Variants in TMTC2 observed in about 807,000 individuals in gnomAD.
The protein encoded by TMTC2 is transmembrane O-mannosyltransferase targeting cadherins 2.
A neutral mutation model predicts 82.4 loss-of-function variants in TMTC2; 43 were observed. That is an observed-to-expected ratio of 0.52 (90% CI 0.41 to 0.67). TMTC2 has a LOEUF of 0.67. TMTC2 is among the 30% of genes least tolerant of loss of function. TMTC2 has a pLI of 0.00. For missense variants in TMTC2, 919 were observed against 1,012.4 expected (o/e 0.91, Z 1.25); for synonymous variants, 408 against 381.9 (o/e 1.07, Z -0.80).
chr12:82,842,237 T>C (rs911631575), intron 1 of TMTC2, among the ~76,000 whole-genome samples: 1 of 152,248 alleles, frequency 6.6e-6, no homozygotes, highest in Admixed American at 6.5e-5. Context: ...ATTGAGATAA[T>C]ATGTGTGCTT....
intron 2 of TMTC2, among the ~76,000 whole-genome samples, chr12:82,895,330 A>T (rs983562701): frequency 5.9e-5 from 9 of 152,172 alleles, no homozygotes; most frequent in Admixed American, 5.9e-4. Context: ...ATTAGAGACA[A>T]GCACAAGAGT....
At chr12:82,996,280 C>T (rs1879612764) in intron 8 of TMTC2, among the ~76,000 whole-genome samples, 1 of 152,146 alleles carries the variant, frequency 6.6e-6, no homozygotes, top group African/African-American at 2.4e-5. Flanking sequence ...CATTATTATA[C>T]TCCACACTGA....
At chr12:82,904,199 G>T (rs1247624901) in intron 3 of TMTC2, among the ~76,000 whole-genome samples, 2 of 152,094 alleles carry the variant, frequency 1.3e-5, no homozygotes, top group African/African-American at 4.8e-5. Flanking sequence ...ACCCTATAAA[G>T]CCAGTCTTAT....
intron 3 of TMTC2, 32 bp from the exon 4 acceptor site, chr12:82,930,399 T>C: frequency 7.5e-7 from 1 of 1,325,682 alleles, no homozygotes; most frequent in Non-Finnish European, 1.1e-6. Context: ...GGATTGATGC[T>C]CAGTCTGAAA....
chr12:82,906,219 T>G (rs1212339421), intron 3 of TMTC2, among the ~76,000 whole-genome samples: 1 of 152,130 alleles, frequency 6.6e-6, no homozygotes, highest in Non-Finnish European at 1.5e-5. Flanking sequence ...TCGAATTGAG[T>G]GTCTTTAACT....
chr12:82,700,877 C>A (rs1024562705), intron 1 of TMTC2, among the ~76,000 whole-genome samples: 1 of 152,080 alleles, frequency 6.6e-6, no homozygotes, highest in Non-Finnish European at 1.5e-5. Flanking sequence ...GGGGAGGCCT[C>A]ACAATCATGG....
chr12:83,094,255 G>A (rs1012406892), intron 11 of TMTC2, among the ~76,000 whole-genome samples: 1 of 152,230 alleles, frequency 6.6e-6, no homozygotes, highest in African/African-American at 2.4e-5. Flanking sequence ...TCCTAGGAGA[G>A]GAGAATTGCC....
chr12:82,974,128 G>A (rs1036683527), intron 7 of TMTC2, among the ~76,000 whole-genome samples: 3 of 152,134 alleles, frequency 2.0e-5, no homozygotes, highest in Non-Finnish European at 4.4e-5. Flanking sequence ...CAGCACCATG[G>A]GAGGCTGAGG....
At chr12:82,844,826 C>G (rs1267127491) in intron 1 of TMTC2, among the ~76,000 whole-genome samples, 1 of 151,048 alleles carries the variant, frequency 6.6e-6, no homozygotes, top group African/African-American at 2.4e-5. Context: ...ATCTAGTGTT[C>G]CATAGAGCTC....
chr12:82,754,365 A>G (rs930451189), intron 1 of TMTC2, among the ~76,000 whole-genome samples: 3 of 152,208 alleles, frequency 2.0e-5, no homozygotes, highest in African/African-American at 7.2e-5. Flanking sequence ...TATAATAGCT[A>G]TGTTCTGCTA....
intron 4 of TMTC2, among the ~76,000 whole-genome samples, chr12:82,963,480 T>A (rs577481392): frequency 3.2e-4 from 49 of 151,872 alleles, no homozygotes; most frequent in Admixed American, 3.1e-3. Flanking sequence ...TTTCTTTATC[T>A]GAATTTTAAA....
intron 1 of TMTC2, among the ~76,000 whole-genome samples, chr12:82,828,356 T>C (rs982517669): frequency 1.3e-5 from 2 of 151,712 alleles, no homozygotes; most frequent in Admixed American, 1.3e-4. Context: ...TGGAACCACA[T>C]GCATGTACCA....
chr12:82,733,566 T>C (rs1418028594), intron 1 of TMTC2, among the ~76,000 whole-genome samples: 2 of 152,238 alleles, frequency 1.3e-5, no homozygotes, highest in Non-Finnish European at 2.9e-5. Context: ...TCATTATCTT[T>C]CTGTAAATGA....
rs61301767 is a variant in TMTC2 at position 82,756,271 on chromosome 12, A to G, written c.83+68602A>G. 8.3e-3 allele frequency among the ~76,000 whole-genome samples: 1,269 copies of G among 152,318 alleles called. 13 individuals carry two copies. Among genetic ancestry groups the G allele is most frequent in the African/African-American group, 0.029 (1,202 of 41,574 alleles). On this transcript the variant is annotated intron_variant, in intron 1 of 11. Coordinates refer to ENST00000321196, the MANE Select transcript of TMTC2 (RefSeq NM_152588.3). ...TCTCACAATTCTTCTCCTATCAATA[A>G]TGATTTGAAATTTTTCCATGTATAT...
chr12:82,746,231 T>C (rs539060978), intron 1 of TMTC2, among the ~76,000 whole-genome samples: 2 of 152,336 alleles, frequency 1.3e-5, no homozygotes, highest in South Asian at 2.1e-4. Context: ...TATTCAGCTT[T>C]TGATTTGCCT....
intron 8 of TMTC2, among the ~76,000 whole-genome samples, chr12:83,011,137 A>G (rs764190751): frequency 2.0e-5 from 3 of 152,174 alleles, no homozygotes; most frequent in Non-Finnish European, 2.9e-5. Flanking sequence ...GCCCGGCCTG[A>G]CGATGTCTAA....
At chr12:83,083,447 G>T (rs1169945358) in intron 11 of TMTC2, among the ~76,000 whole-genome samples, 1 of 152,054 alleles carries the variant, frequency 6.6e-6, no homozygotes, top group African/African-American at 2.4e-5. Context: ...CTCTTTTTCT[G>T]CTGTACTTTT....
At chr12:82,890,911 A>G (rs1873364022) in intron 2 of TMTC2, among the ~76,000 whole-genome samples, 1 of 152,182 alleles carries the variant, frequency 6.6e-6, no homozygotes, top group African/African-American at 2.4e-5. Flanking sequence ...CCTATCAAAG[A>G]TTGTACTTAA....
At chr12:83,051,847 GA>G (rs1451134183) in intron 10 of TMTC2, among the ~76,000 whole-genome samples, 2 of 152,096 alleles carry the variant, frequency 1.3e-5, no homozygotes, top group African/African-American at 4.8e-5. Flanking sequence ...TATAAGGCCA[GA>G]TTATCAGGTT....
Sources: gnomAD v4.1 joint callset for allele counts (sites outside exome capture counted in the v4.1 genomes callset) on GRCh38, gnomAD v4.1.1 for gene constraint, MANE v1.5 for transcripts, NCBI Gene and HGNC (gene_info 2026-07-23, HGNC 2026-07-21) for gene names.